Variants in PDE1C observed in about 807,000 individuals in gnomAD.
PDE1C encodes the protein dual specificity calcium/calmodulin-dependent 3',5'-cyclic nucleotide phosphodiesterase 1C.
In PDE1C, 62 loss-of-function variants were observed where a neutral mutation model predicts 93.1. The ratio of observed to expected loss-of-function variants is 0.67; its 90% CI spans 0.54 to 0.82. PDE1C has a LOEUF of 0.82. Among genes scored for constraint, PDE1C ranks in the 40% least tolerant of loss-of-function variants. PDE1C has a pLI of 0.00. For missense variants in PDE1C, 742 were observed against 884.6 expected, an observed-to-expected ratio of 0.84 and a Z score of 2.04; for synonymous variants, 325 against 310.1, an observed-to-expected ratio of 1.05 and a Z score of -0.50.
chr7:31,798,168 C>G (rs1347584738), intron 16 of PDE1C, among the ~76,000 whole-genome samples: 1 of 151,762 alleles, frequency 6.6e-6, no homozygotes, highest in Non-Finnish European at 1.5e-5. Context: ...AGGATCCCAG[C>G]ATATGTGGAG....
At chr7:32,106,401 C>T (rs539931636) in intron 3 of PDE1C, among the ~76,000 whole-genome samples, 61 of 151,706 alleles carry the variant, frequency 4.0e-4, no homozygotes, top group Non-Finnish European at 2.6e-4. Flanking sequence ...AAACGCCAGA[C>T]ATCTGACAAA....
At chr7:31,939,545 G>C (rs1454795238) in intron 2 of PDE1C, among the ~76,000 whole-genome samples, 6 of 152,112 alleles carry the variant, frequency 3.9e-5, no homozygotes, top group African/African-American at 1.4e-4. Context: ...TCTGAGAGTT[G>C]AGAAAAATAT....
At chr7:32,222,234 C>T (rs1265484152) in intron 1 of PDE1C, among the ~76,000 whole-genome samples, 4 of 152,170 alleles carry the variant, frequency 2.6e-5, no homozygotes, top group African/African-American at 7.2e-5. Flanking sequence ...ATCATCGCAT[C>T]GTTACCAACT....
chr7:32,020,937 A>G (rs532847098), intron 2 of PDE1C, among the ~76,000 whole-genome samples: 17 of 152,288 alleles, frequency 1.1e-4, no homozygotes, highest in African/African-American at 3.8e-4. Context: ...TGGGGCAGCC[A>G]TATTTCTCTG....
chr7:31,818,992 G>A (rs1314552614), intron 14 of PDE1C, among the ~76,000 whole-genome samples: 1 of 152,060 alleles, frequency 6.6e-6, no homozygotes, highest in Non-Finnish European at 1.5e-5. Flanking sequence ...CTGGTGGCGG[G>A]GGGTATATTT....
rs571156416 is a variant in PDE1C, at chr7:32,098,091, G to A, written c.308+71694C>T. On this transcript the variant is annotated intron_variant, in intron 3 of 18. Coordinates refer to the PDE1C transcript ENST00000396193. ...TAAAAATACAAAAAATTAGCCGGGC[G>A]TGGTGGCGGGCGCCTGTAGTCCCAG... Among the ~76,000 whole-genome samples, 143 of 149,206 alleles carry A rather than the reference G, an allele frequency of 9.6e-4. 4 individuals are homozygous for A. Among genetic ancestry groups the A allele is most frequent in the African/African-American group, 3.4e-3 (137 of 40,012 alleles).
chr7:31,695,197 T>C, the PDE1C span, among the ~76,000 whole-genome samples: 1 of 152,328 alleles, frequency 6.6e-6, no homozygotes, highest in African/African-American at 2.4e-5. Flanking sequence ...TGCCGGACCA[T>C]ATTTTTTAAG....
chr7:31,776,876 T>A (rs909718330), intron 16 of PDE1C, among the ~76,000 whole-genome samples: 1 of 151,568 alleles, frequency 6.6e-6, no homozygotes, highest in Non-Finnish European at 1.5e-5. Context: ...CTTCCCAAAC[T>A]TTTAGTTAAG....
At chr7:32,184,923 C>T (rs890141215) in intron 2 of PDE1C, among the ~76,000 whole-genome samples, 23 of 152,082 alleles carry the variant, frequency 1.5e-4, no homozygotes, top group African/African-American at 5.6e-4. Context: ...AGCAGCCTGA[C>T]CAACGTGGAG....
At chr7:32,147,304 G>GAGAAAGAAAGAAA (rs1800941417) in intron 3 of PDE1C, among the ~76,000 whole-genome samples, 1 of 142,380 alleles carries the variant, frequency 7.0e-6, no homozygotes, top group Non-Finnish European at 1.5e-5. Context: ...AAGAAAGAAA[G>GAGAAAGAAAGAAA]AAAGAAAGAA....
intron 1 of PDE1C, among the ~76,000 whole-genome samples, chr7:32,297,462 C>T (rs532197212): frequency 5.3e-4 from 81 of 152,202 alleles, no homozygotes; most frequent in African/African-American, 2.9e-4. Context: ...CAAAGGCTGA[C>T]GTCCCAAAAA....
At chr7:31,660,767 C>G in the PDE1C span, among the ~76,000 whole-genome samples, 1 of 151,856 alleles carries the variant, frequency 6.6e-6, no homozygotes, top group East Asian at 1.9e-4. Context: ...ATTATACAAG[C>G]CAATTAATAC....
the PDE1C span, among the ~76,000 whole-genome samples, chr7:31,731,034 G>C: frequency 1.3e-5 from 2 of 149,896 alleles, no homozygotes; most frequent in African/African-American, 5.1e-5. Flanking sequence ...TCATGGAGAG[G>C]GGGGCGGGTT....
chr7:32,337,871 A>G (rs1201271544), intron 1 of PDE1C, among the ~76,000 whole-genome samples: 1 of 152,206 alleles, frequency 6.6e-6, no homozygotes, highest in Non-Finnish European at 1.5e-5. Flanking sequence ...CGGAGCAAGC[A>G]AACGAGGCAG....
At chr7:31,887,211 G>C (rs1386512282) in intron 2 of PDE1C, among the ~76,000 whole-genome samples, 1 of 152,168 alleles carries the variant, frequency 6.6e-6, no homozygotes, top group African/African-American at 2.4e-5. Context: ...AGTATGGATG[G>C]TTGCTTTTAA....
At chr7:32,267,925 T>C (rs1810722671) in intron 1 of PDE1C, among the ~76,000 whole-genome samples, 1 of 152,136 alleles carries the variant, frequency 6.6e-6, no homozygotes, top group South Asian at 2.1e-4. Flanking sequence ...TTTTACGGAA[T>C]TGGAAACAGG....
At chr7:32,288,504 GAGAA>G (rs1218994558) in intron 1 of PDE1C, among the ~76,000 whole-genome samples, 2 of 152,180 alleles carry the variant, frequency 1.3e-5, no homozygotes, top group African/African-American at 4.8e-5. Context: ...TGACCCAGAT[GAGAA>G]AGAAAGAAAA....
chr7:32,127,264 G>A (rs1182509600), intron 3 of PDE1C, among the ~76,000 whole-genome samples: 1 of 151,962 alleles, frequency 6.6e-6, no homozygotes, highest in Non-Finnish European at 1.5e-5. Context: ...ATAGTTCCAT[G>A]AGCTAATAAT....
At chr7:32,262,897 G>T (rs796697168) in intron 1 of PDE1C, among the ~76,000 whole-genome samples, 1 of 152,170 alleles carries the variant, frequency 6.6e-6, no homozygotes, top group African/African-American at 2.4e-5. Context: ...GCCCCATAAG[G>T]CTTCTATTCC....
Sources: allele counts gnomAD v4.1 joint callset (sites outside exome capture counted in the v4.1 genomes callset), GRCh38; gene constraint gnomAD v4.1.1; transcripts MANE v1.5; gene names NCBI Gene and HGNC (gene_info 2026-07-23, HGNC 2026-07-21).